Variants in PRR15L observed in about 807,000 individuals in gnomAD.
PRR15L encodes the protein proline-rich protein 15-like protein.
In PRR15L, 1 loss-of-function variant was observed where a neutral mutation model predicts 3.7. The observed-to-expected ratio is 0.27, with a 90% CI of 0.09 to 1.27. PRR15L has a LOEUF of 1.27. PRR15L is among the 50% of genes most tolerant of loss of function. The pLI is 0.47. For synonymous variants in PRR15L, 57 were observed against 51.9 expected, an observed-to-expected ratio of 1.10 and a Z score of -0.42; for missense variants, 127 against 128.7, an observed-to-expected ratio of 0.99 and a Z score of 0.06.
Position 47,953,283 on chromosome 17 carries a change from G to A in PRR15L, c.-29-20C>T, listed in dbSNP as rs770825787. 7 of 1,469,672 alleles carry A rather than the reference G, an allele frequency of 4.8e-6. No individual in the cohort carries two copies. Among genetic ancestry groups the A allele is most frequent in the African/African-American group, 1.4e-5 (1 of 70,934 alleles). 91.0% of individuals were successfully genotyped at this position (1,469,672 alleles called of 1,614,324 possible). ...GGCTTTCTGCTGGAGCAGGGTGGGG[G>A]AGACAAAGGGGTCAGTGGGAAAAGG... On this transcript the variant is annotated intron_variant, in intron 1 of 1. Transcript: ENST00000300557.
rs1412382014 is a variant in PRR15L at position 47,956,429 on chromosome 17, G to C, written c.-30+1228C>G. Among the ~76,000 whole-genome samples, 3 of 152,230 alleles carry C rather than the reference G, an allele frequency of 2.0e-5. No individual in the cohort carries two copies. The East Asian group carries it at 5.8e-4, about 29-fold the overall frequency. On this transcript the variant is annotated intron_variant, in intron 1 of 1. Coordinates refer to ENST00000300557, the MANE Select transcript of PRR15L (RefSeq NM_024320.4). The stretch of plus-strand genomic sequence containing the variant: ...AGAGGTTGCAGTGAGCTGAGATCAT[G>C]CCACTGCATTCCAGCCTGGGCGACA...
chr17:47,957,325 A>G (rs540347653), intron 1 of PRR15L, among the ~76,000 whole-genome samples: 91 of 152,358 alleles, frequency 6.0e-4, no homozygotes, highest in Middle Eastern at 3.4e-3. Flanking sequence ...CAGGGCCCCA[A>G]TGGCACTTAG....
In PRR15L at chr17:47,952,763, G is replaced by A. The variant is rs149647449; in HGVS notation, c.*160C>T. ...ATCTCCCAGGCCTTACAAAAGTGGCGGCACATAAATACAAACCTAAAAAAC... is the reference window on the plus strand; with the variant it reads ...ATCTCCCAGGCCTTACAAAAGTGGCAGCACATAAATACAAACCTAAAAAAC... On this transcript the variant is annotated 3_prime_UTR_variant, in exon 2 of 2. Transcript: ENST00000300557. 28 of 682,706 alleles carry A rather than the reference G, an allele frequency of 4.1e-5. No individual in the cohort carries two copies. The highest frequency in any genetic ancestry group is 4.2e-4 in the Middle Eastern group (1 of 2,392). 42.3% of individuals were successfully genotyped at this position (682,706 alleles called of 1,614,324 possible). A position where few individuals can be genotyped will look rare whatever the true frequency, so the allele number is the denominator to read the frequency against.
At chr17:47,955,084 C>A (rs2036113885) in intron 1 of PRR15L, among the ~76,000 whole-genome samples, 1 of 151,944 alleles carries the variant, frequency 6.6e-6, no homozygotes, top group African/African-American at 2.4e-5. Flanking sequence ...CATGCGCCAC[C>A]ACGCCCGGCT....
chr17:47,956,962 C>T (rs1598208247), intron 1 of PRR15L, among the ~76,000 whole-genome samples: 1 of 152,238 alleles, frequency 6.6e-6, no homozygotes, highest in Non-Finnish European at 1.5e-5. Context: ...TGCCCTGGGG[C>T]CTTGCAATCC....
At chr17:47,953,673 A>AAAGAAG (rs1001388726) in intron 1 of PRR15L, among the ~76,000 whole-genome samples, 1 of 149,222 alleles carries the variant, frequency 6.7e-6, no homozygotes, top group East Asian at 2.0e-4. Context: ...AAAAAAAAAG[A>AAAGAAG]AAGAAGAAGA....
intron 1 of PRR15L, among the ~76,000 whole-genome samples, chr17:47,957,102 A>C (rs905459629): frequency 6.6e-6 from 1 of 152,252 alleles, no homozygotes; most frequent in Non-Finnish European, 1.5e-5. Flanking sequence ...TATAGCATGC[A>C]CATGGGTGTC....
Position 47,952,707 on chromosome 17 carries a change from T to A in PRR15L, c.*216A>T. On this transcript the variant is annotated 3_prime_UTR_variant, in exon 2 of 2. Transcript: ENST00000300557. ...ACTCTTGAACTAGAGTGCCTTTGTATGTGGTCAGGGGGAGGGTGGAGGACC... is the reference window on the plus strand; with the variant it reads ...ACTCTTGAACTAGAGTGCCTTTGTAAGTGGTCAGGGGGAGGGTGGAGGACC... 1 of 490,604 alleles carries A rather than the reference T, an allele frequency of 2.0e-6. No individual in the cohort carries two copies. Among genetic ancestry groups the A allele is most frequent in the East Asian group, 3.1e-5 (1 of 32,140 alleles). 30.4% of individuals were successfully genotyped at this position (490,604 alleles called of 1,614,324 possible).
At chr17:47,954,200 TC>T (rs2036102959) in intron 1 of PRR15L, among the ~76,000 whole-genome samples, 1 of 152,078 alleles carries the variant, frequency 6.6e-6, no homozygotes, top group African/African-American at 2.4e-5. Context: ...GAGTGGGAAG[TC>T]CTGGGGGCTG....
At chr17:47,955,290 C>G (rs894973622) in intron 1 of PRR15L, among the ~76,000 whole-genome samples, 4 of 152,100 alleles carry the variant, frequency 2.6e-5, no homozygotes, top group African/African-American at 9.7e-5. Context: ...TTTCTGATTT[C>G]TGGAATTTCC....
rs140940197 is a variant in PRR15L, at chr17:47,956,146, C to T, written c.-30+1511G>A. ...CAACTCTGGTGCCCTTGCATCCTAG[C>T]CTTGTACTCTGGTCTCTCTAGAATA... On this transcript the variant is annotated intron_variant, in intron 1 of 1. Transcript: ENST00000300557. Among the ~76,000 whole-genome samples the T allele has an allele frequency of 7.9e-5, 12 of 152,300 alleles. No homozygotes were observed. The East Asian group carries it at 2.3e-3, about 29-fold the overall frequency.
chr17:47,954,767 G>T (rs1466528822), intron 1 of PRR15L, among the ~76,000 whole-genome samples: 1 of 151,946 alleles, frequency 6.6e-6, no homozygotes, highest in Non-Finnish European at 1.5e-5. Context: ...CGGTGGTCTT[G>T]TTCTCAGGAT....
rs1310431293 is a variant in PRR15L at position 47,952,113 on chromosome 17, T to A, written c.*810A>T. On this transcript the variant is annotated 3_prime_UTR_variant, in exon 2 of 2. Transcript: ENST00000300557. ...CAGAGAGAAACCTACAATTATTTTG[T>A]TAAACAAAATTCAAGGCTCCAGGAC... 1.3e-5 allele frequency: 2 copies of A among 152,204 alleles called. No individual in the cohort carries two copies. The highest frequency in any genetic ancestry group is 2.9e-5 in the Non-Finnish European group (2 of 68,034). The allele number at this position is 152,204 out of a possible 1,614,324, so 9.4% of individuals were successfully genotyped here.
chr17:47,956,885 A>C (rs1269758430), intron 1 of PRR15L, among the ~76,000 whole-genome samples: 1 of 152,222 alleles, frequency 6.6e-6, no homozygotes, highest in Admixed American at 6.5e-5. Context: ...GCATTTAGTG[A>C]CACATGGTGG....
chr17:47,953,956 T>A (rs56402159), intron 1 of PRR15L, among the ~76,000 whole-genome samples: 1 of 152,168 alleles, frequency 6.6e-6, no homozygotes, highest in Non-Finnish European at 1.5e-5. Flanking sequence ...CATCCAGGCC[T>A]TTGATGCTCT....
At chr17:47,955,582 A>G (rs533157308) in intron 1 of PRR15L, among the ~76,000 whole-genome samples, 5 of 152,184 alleles carry the variant, frequency 3.3e-5, no homozygotes, top group Non-Finnish European at 5.9e-5. Flanking sequence ...TCCCGCTCAG[A>G]AAGTGAAGGA....
rs377705945 is a variant in PRR15L at position 47,953,230 on chromosome 17, G to A, written c.5C>T (p.Thr2Met). 1.7e-5 allele frequency: 26 copies of A among 1,570,800 alleles called. No individual in the cohort carries two copies. Among genetic ancestry groups the A allele is most frequent in the Middle Eastern group, 1.7e-4 (1 of 5,846 alleles). The change falls in exon 2 of 2, where the codon ACG becomes ATG. Residue 2 changes from threonine to methionine, a missense_variant. By Grantham distance (81) the Thr-to-Met change is moderately conservative (BLOSUM62 -1). Transcript: ENST00000300557. ...CAGCTTCCACCAACCAATTTCAGTC[G>A]TCATGGCGCTCCCTAAGCCAAGGAT... M[T>M]TEIGWWKLTF... is the part of the protein sequence containing the mutation.
chr17:47,956,576 A>G (rs927737520), intron 1 of PRR15L, among the ~76,000 whole-genome samples: 11 of 152,222 alleles, frequency 7.2e-5, no homozygotes, highest in Non-Finnish European at 2.9e-5. Context: ...TGTTTGCCCC[A>G]TTAGCAAGCC....
chr17:47,952,805 C>T lies in PRR15L; in HGVS notation c.*118G>A. On this transcript the variant is annotated 3_prime_UTR_variant, in exon 2 of 2. Coordinates refer to ENST00000300557, the MANE Select transcript of PRR15L (RefSeq NM_024320.4). ...CTAAAAAACAGCCATTTCCTGCCAG[C>T]AGGTATCAACTGGCCCCACAGCTTC... 9.8e-7 allele frequency: 1 copy of T among 1,016,144 alleles called. No individual in the cohort carries two copies. The highest frequency in any genetic ancestry group is 1.4e-6 in the Non-Finnish European group (1 of 710,070). The allele number at this position is 1,016,144 out of a possible 1,614,324, so 62.9% of individuals were successfully genotyped here.
Sources: allele counts gnomAD v4.1 joint callset (sites outside exome capture counted in the v4.1 genomes callset), GRCh38; gene constraint gnomAD v4.1.1; transcripts MANE v1.5; gene names NCBI Gene and HGNC (gene_info 2026-07-23, HGNC 2026-07-21).